SUCLG2: variants seen among roughly 807,000 people sequenced by gnomAD.
SUCLG2 encodes succinate-CoA ligase GDP-forming subunit beta.
In SUCLG2, 42 loss-of-function variants were observed where a neutral mutation model predicts 47.9. The ratio of observed to expected loss-of-function variants is 0.88; its 90% confidence interval spans 0.69 to 1.14. SUCLG2 has a LOEUF of 1.14. SUCLG2 is among the 50% of genes most tolerant of loss of function. The pLI is 0.00. For missense variants in SUCLG2, 571 were observed against 525.9 expected, an observed-to-expected ratio of 1.09 and a Z score of -0.84; for synonymous variants, 195 against 197.3, an observed-to-expected ratio of 0.99 and a Z score of 0.10.
At chr3:67,502,221 C>T (rs947801989) in intron 7 of SUCLG2, among the ~76,000 whole-genome samples, 4 of 152,220 alleles carry the variant, frequency 2.6e-5, no homozygotes, top group African/African-American at 4.8e-5. Context: ...GAAAAACTCA[C>T]ACATCTGGTC....
chr3:67,600,132 T>A (rs149391167), intron 2 of SUCLG2, among the ~76,000 whole-genome samples: 134 of 152,356 alleles, frequency 8.8e-4, no homozygotes, highest in Non-Finnish European at 8.1e-4. Flanking sequence ...CATCTTCATC[T>A]ACTTAGAAAA....
chr3:67,376,101 G>C (rs1405301950), intron 10 of SUCLG2: 1 of 985,476 alleles, frequency 1.0e-6, no homozygotes, highest in Non-Finnish European at 1.2e-6. Flanking sequence ...ATATTTTACT[G>C]ATGGAAGCTG....
intron 2 of SUCLG2, among the ~76,000 whole-genome samples, chr3:67,595,897 GCT>G (rs1438928827): frequency 6.6e-6 from 1 of 152,236 alleles, no homozygotes; most frequent in Non-Finnish European, 1.5e-5. Context: ...GTTGAAATGT[GCT>G]CTTTGTCTTG....
intron 2 of SUCLG2, among the ~76,000 whole-genome samples, chr3:67,539,535 C>G (rs1185429612): frequency 6.6e-6 from 1 of 152,092 alleles, no homozygotes; most frequent in African/African-American, 2.4e-5. Context: ...TTTGTTGTGT[C>G]TCTGCCAGGT....
chr3:67,467,026 TATTTA>T (rs1704490362), intron 9 of SUCLG2, among the ~76,000 whole-genome samples: 1 of 152,224 alleles, frequency 6.6e-6, no homozygotes, highest in Non-Finnish European at 1.5e-5. Flanking sequence ...CAAGTAGGAA[TATTTA>T]ATTTGTTTTG....
At chr3:67,370,619 T>C (rs909064223), downstream of SUCLG2, among the ~76,000 whole-genome samples, 1 of 152,224 alleles carries the variant, frequency 6.6e-6, no homozygotes, top group Non-Finnish European at 1.5e-5. Flanking sequence ...AGCATGTCTT[T>C]TCCTAGACAT....
At chr3:67,639,568 G>A (rs1335561303) in intron 1 of SUCLG2, among the ~76,000 whole-genome samples, 1 of 151,970 alleles carries the variant, frequency 6.6e-6, no homozygotes, top group Non-Finnish European at 1.5e-5. Flanking sequence ...AGATGCTGAA[G>A]ACAACATGCC....
intron 1 of SUCLG2, among the ~76,000 whole-genome samples, chr3:67,617,285 C>G (rs1231101681): frequency 6.6e-6 from 1 of 152,202 alleles, no homozygotes. Flanking sequence ...ACCAATAATG[C>G]TGTTCTGCTT....
At chr3:67,615,621 A>C (rs9808978) in intron 1 of SUCLG2, among the ~76,000 whole-genome samples, 169 of 142,140 alleles carry the variant, frequency 1.2e-3, no homozygotes, top group East Asian at 3.7e-3. Flanking sequence ...CACAAACACA[A>C]ACACACACAC....
intron 2 of SUCLG2, among the ~76,000 whole-genome samples, chr3:67,598,129 T>C (rs1708336530): frequency 6.6e-6 from 1 of 151,970 alleles, no homozygotes; most frequent in Admixed American, 6.5e-5. Flanking sequence ...TACAGGCGCA[T>C]GCCGCCATGC....
At chr3:67,622,220 A>C (rs189544295) in intron 1 of SUCLG2, among the ~76,000 whole-genome samples, 2 of 152,384 alleles carry the variant, frequency 1.3e-5, no homozygotes, top group East Asian at 3.9e-4. Flanking sequence ...CAATGCAAAT[A>C]TATTTACAAA....
intron 2 of SUCLG2, among the ~76,000 whole-genome samples, chr3:67,602,147 C>G (rs1708434403): frequency 6.6e-6 from 1 of 152,130 alleles, no homozygotes; most frequent in African/African-American, 2.4e-5. Flanking sequence ...AAAGGAAAGT[C>G]TTTCCCTTTG....
chr3:67,475,642 T>C (rs887404335), intron 9 of SUCLG2, among the ~76,000 whole-genome samples: 2 of 152,170 alleles, frequency 1.3e-5, no homozygotes, highest in Non-Finnish European at 2.9e-5. Context: ...CACTATGACA[T>C]ACCGACTTTA....
At chr3:67,411,011 G>A (rs1052535155) in intron 9 of SUCLG2, among the ~76,000 whole-genome samples, 4 of 152,010 alleles carry the variant, frequency 2.6e-5, no homozygotes, top group South Asian at 2.1e-4. Context: ...ATGTAAATAC[G>A]TATACTCCAT....
At chr3:67,557,207 ACTCTAC>A (rs1445343194) in intron 2 of SUCLG2, among the ~76,000 whole-genome samples, 1 of 152,106 alleles carries the variant, frequency 6.6e-6, no homozygotes, top group Non-Finnish European at 1.5e-5. Context: ...AATGCATGCA[ACTCTAC>A]CTCTACAATA....
intron 9 of SUCLG2, among the ~76,000 whole-genome samples, chr3:67,486,535 CTTTGT>C (rs1274341212): frequency 5.3e-5 from 8 of 152,162 alleles, no homozygotes; most frequent in African/African-American, 1.9e-4. Context: ...CAATTCCTAA[CTTTGT>C]TTTAAGTATG....
At chr3:67,428,862 T>A (rs1053587371) in intron 9 of SUCLG2, among the ~76,000 whole-genome samples, 1 of 151,788 alleles carries the variant, frequency 6.6e-6, no homozygotes, top group Non-Finnish European at 1.5e-5. Context: ...TGATTGAAGA[T>A]CAAATGAATG....
rs773005712 is a variant in SUCLG2 at position 67,495,954 on chromosome 3, AT to A, written c.920-15del. ...CAGCACCATTCACTGTGAAATGCAA[AT>A]GGGACACAAGACAGGCTACATTTAG... On this transcript the variant is annotated splice_polypyrimidine_tract_variant and intron_variant, in intron 8 of 10. Coordinates refer to ENST00000307227, the MANE Select transcript of SUCLG2 (RefSeq NM_003848.4). 6.8e-6 allele frequency: 11 copies of A among 1,613,762 alleles called. No individual in the cohort carries two copies. The highest frequency in any genetic ancestry group is 9.3e-6 in the Non-Finnish European group (11 of 1,179,826).
chr3:67,532,071 C>T (rs1706419681), intron 2 of SUCLG2, among the ~76,000 whole-genome samples: 1 of 152,082 alleles, frequency 6.6e-6, no homozygotes, highest in Admixed American at 6.5e-5. Context: ...ACGACTTAAC[C>T]ATCCTTTAGA....
Sources: gnomAD v4.1 joint callset for allele counts (sites outside exome capture counted in the v4.1 genomes callset) on GRCh38, gnomAD v4.1.1 for gene constraint, MANE v1.5 for transcripts, NCBI Gene and HGNC (gene_info 2026-07-23, HGNC 2026-07-21) for gene names.